Variants in TENM2 observed in about 807,000 individuals in gnomAD.
TENM2 encodes teneurin-2.
A neutral mutation model predicts 245.2 loss-of-function variants in TENM2; 52 were observed. The observed-to-expected ratio is 0.21, with a 90% confidence interval of 0.17 to 0.27. The LOEUF is 0.27. TENM2 is among the 10% of genes least tolerant of loss of function. The pLI is 1.00. For synonymous variants in TENM2, 1,363 were observed against 1,438.9 expected, an observed-to-expected ratio of 0.95 and a Z score of 1.19; for missense variants, 3,046 against 3,666.8, an observed-to-expected ratio of 0.83 and a Z score of 4.37.
intron 2 of TENM2, among the ~76,000 whole-genome samples, chr5:167,470,454 C>CTGTTTTTTTTTTTTTTT (rs1766939931): frequency 4.2e-5 from 2 of 47,394 alleles, no homozygotes; most frequent in African/African-American, 8.4e-5. Context: ...GCAATGCTTG[C>CTGTTTTTTTTTTTTTTT]TTTTTTTTTT....
chr5:167,734,108 T>G (rs1285524345), intron 2 of TENM2, among the ~76,000 whole-genome samples: 1 of 152,164 alleles, frequency 6.6e-6, no homozygotes, highest in Non-Finnish European at 1.5e-5. Flanking sequence ...TTTCTGTAAT[T>G]TAGGAAATAT....
chr5:168,052,519 T>G (rs1426204452), intron 6 of TENM2, among the ~76,000 whole-genome samples: 1 of 152,062 alleles, frequency 6.6e-6, no homozygotes, highest in Non-Finnish European at 1.5e-5. Flanking sequence ...AAGACGGCCT[T>G]CAGAATATGA....
At chr5:168,066,359 G>A (rs986041855) in intron 7 of TENM2, among the ~76,000 whole-genome samples, 1 of 152,158 alleles carries the variant, frequency 6.6e-6, no homozygotes, top group African/African-American at 2.4e-5. Flanking sequence ...TCCCCTGGAA[G>A]GAGCACCAGA....
At chr5:167,717,889 C>T (rs780757294) in intron 2 of TENM2, among the ~76,000 whole-genome samples, 1 of 152,216 alleles carries the variant, frequency 6.6e-6, no homozygotes, top group Admixed American at 6.5e-5. Flanking sequence ...TCTAAAATAC[C>T]ACAGTGTACT....
At chr5:167,388,441 T>C (rs1761570503) in intron 2 of TENM2, among the ~76,000 whole-genome samples, 1 of 152,182 alleles carries the variant, frequency 6.6e-6, no homozygotes, top group Non-Finnish European at 1.5e-5. Flanking sequence ...ATTTTATTCA[T>C]CTCTGCAAAG....
At chr5:167,579,014 C>G (rs1309008912) in intron 2 of TENM2, among the ~76,000 whole-genome samples, 1 of 152,174 alleles carries the variant, frequency 6.6e-6, no homozygotes, top group East Asian at 1.9e-4. Context: ...CACCTCAAAA[C>G]CAAACTGTAG....
At chr5:167,100,565 C>A in the TENM2 span, among the ~76,000 whole-genome samples, 1 of 152,140 alleles carries the variant, frequency 6.6e-6, no homozygotes, top group Admixed American at 6.5e-5. Context: ...GGATTGAAGA[C>A]CCTGTTCTTT....
chr5:167,488,547 G>A (rs995450195), intron 2 of TENM2, among the ~76,000 whole-genome samples: 1 of 152,020 alleles, frequency 6.6e-6, no homozygotes, highest in African/African-American at 2.4e-5. Context: ...ATTAACTACT[G>A]TTCTTCAGTC....
chr5:167,513,462 A>G (rs1770108029), intron 2 of TENM2, among the ~76,000 whole-genome samples: 1 of 152,198 alleles, frequency 6.6e-6, no homozygotes, highest in Admixed American at 6.5e-5. Flanking sequence ...TGGGCATATA[A>G]ATGCCTTATG....
At chr5:167,638,233 TTTTC>T (rs1219293666) in intron 2 of TENM2, among the ~76,000 whole-genome samples, 1 of 152,040 alleles carries the variant, frequency 6.6e-6, no homozygotes, top group Non-Finnish European at 1.5e-5. Context: ...CAAGTTATTA[TTTTC>T]TTTCTTTAAT....
intron 13 of TENM2, among the ~76,000 whole-genome samples, chr5:168,179,814 G>A (rs1365881395): frequency 6.6e-6 from 1 of 152,124 alleles, no homozygotes; most frequent in East Asian, 1.9e-4. Context: ...GGATTCTGGT[G>A]GTGTCTTAAT....
At chr5:167,551,131 T>C (rs1249953857) in intron 2 of TENM2, among the ~76,000 whole-genome samples, 3 of 152,220 alleles carry the variant, frequency 2.0e-5, no homozygotes, top group African/African-American at 4.8e-5. Flanking sequence ...AAATTACTTA[T>C]GAAAATCCCT....
intron 2 of TENM2, among the ~76,000 whole-genome samples, chr5:167,712,041 A>G (rs1758945432): frequency 6.6e-6 from 1 of 152,228 alleles, no homozygotes; most frequent in Non-Finnish European, 1.5e-5. Context: ...CAGAGCATTC[A>G]TCATCCTAAA....
intron 1 of TENM2, among the ~76,000 whole-genome samples, chr5:167,331,859 T>C (rs1340315359): frequency 6.6e-6 from 1 of 152,174 alleles, no homozygotes; most frequent in Non-Finnish European, 1.5e-5. Context: ...TACTCCTCCT[T>C]TTGTGTAGCC....
intron 1 of TENM2, among the ~76,000 whole-genome samples, chr5:167,337,193 T>C (rs1320364069): frequency 7.2e-6 from 1 of 138,382 alleles, no homozygotes; most frequent in Non-Finnish European, 1.6e-5. Flanking sequence ...GCTTTTCAGA[T>C]AAGGGATACT....
At chr5:167,817,389 T>C (rs1411226111) in intron 2 of TENM2, among the ~76,000 whole-genome samples, 2 of 152,212 alleles carry the variant, frequency 1.3e-5, no homozygotes, top group Non-Finnish European at 2.9e-5. Flanking sequence ...TTTAACTATA[T>C]CATTAGAGAA....
intron 12 of TENM2, among the ~76,000 whole-genome samples, chr5:168,157,085 C>T (rs768761335): frequency 7.2e-5 from 11 of 152,146 alleles, no homozygotes; most frequent in Admixed American, 1.3e-4. Context: ...TACAGCGGGG[C>T]GGGTAGTACC....
At chr5:167,985,386 G>T (rs1240538444) in intron 4 of TENM2, among the ~76,000 whole-genome samples, 2 of 152,208 alleles carry the variant, frequency 1.3e-5, no homozygotes, top group African/African-American at 4.8e-5. Flanking sequence ...TAGAACAACA[G>T]TCGACACCTG....
intron 2 of TENM2, among the ~76,000 whole-genome samples, chr5:167,707,451 G>C (rs1324292792): frequency 6.6e-6 from 1 of 152,024 alleles, no homozygotes; most frequent in Non-Finnish European, 1.5e-5. Context: ...TTTTGCTTCT[G>C]TTGCCTGTGC....
Sources: allele counts gnomAD v4.1 joint callset (sites outside exome capture counted in the v4.1 genomes callset), GRCh38; gene constraint gnomAD v4.1.1; transcripts MANE v1.5; gene names NCBI Gene and HGNC (gene_info 2026-07-23, HGNC 2026-07-21).